Variants in UBA6 observed in about 807,000 individuals in gnomAD.
UBA6 encodes the protein ubiquitin-like modifier-activating enzyme 6.
Under a neutral mutation model 148.3 loss-of-function variants are expected in UBA6, and 87 were observed. The ratio of observed to expected loss-of-function variants is 0.59; its 90% confidence interval spans 0.49 to 0.70. The LOEUF (loss-of-function observed/expected upper bound fraction) is 0.70. UBA6 is among the 30% of genes least tolerant of loss of function. UBA6 has a pLI of 0.00. For missense variants in UBA6, 1,186 were observed against 1,241.2 expected (o/e 0.96, Z 0.67); for synonymous variants, 376 against 401.0 (o/e 0.94, Z 0.75).
intron 8 of UBA6, among the ~76,000 whole-genome samples, chr4:67,669,408 C>T (rs1300710597): frequency 3.3e-5 from 5 of 152,024 alleles, no homozygotes; most frequent in African/African-American, 1.2e-4. Context: ...GTCTCCATCA[C>T]CATGAGATTA....
chr4:67,665,108 G>T, intron 10 of UBA6, 81 bp downstream of exon 10: 4 of 733,248 alleles, frequency 5.5e-6, no homozygotes, highest in Non-Finnish European at 8.7e-6. Context: ...AATCTGTTTG[G>T]TTAACTGAGT....
chr4:67,658,560 GA>G (rs1729760163), intron 13 of UBA6, among the ~76,000 whole-genome samples: 1 of 152,192 alleles, frequency 6.6e-6, no homozygotes, highest in African/African-American at 2.4e-5. Flanking sequence ...AGGGTGGGAA[GA>G]GGGGGCGGAA....
At chr4:67,636,895 C>T (rs539142305) in intron 19 of UBA6, among the ~76,000 whole-genome samples, 12 of 151,308 alleles carry the variant, frequency 7.9e-5, no homozygotes, top group Middle Eastern at 6.8e-3. Flanking sequence ...GCTGCCCAGT[C>T]TGGGAAGTGA....
intron 20 of UBA6, among the ~76,000 whole-genome samples, chr4:67,635,062 T>C (rs2109905694): frequency 6.7e-6 from 1 of 149,118 alleles, no homozygotes; most frequent in South Asian, 2.2e-4. Flanking sequence ...ATAGAGTACA[T>C]TTTGCCTAGG....
chr4:67,661,138 A>G (rs1388645683), intron 13 of UBA6, among the ~76,000 whole-genome samples: 1 of 152,174 alleles, frequency 6.6e-6, no homozygotes, highest in Non-Finnish European at 1.5e-5. Context: ...CCTTGCTCAG[A>G]TAAGACTTTG....
At position 67,668,688 on chromosome 4, in the gene UBA6, T is replaced by C. The variant is rs370488155; in HGVS notation, c.670-14A>G. On this transcript the variant is annotated splice_polypyrimidine_tract_variant and intron_variant, in intron 8 of 32. Transcript: ENST00000322244. Reference sequence around the variant, plus strand: ...GCCAGGATTTGCCTAAAAATAAGAGTAATCTATTAAAAAAGAACTTCTTTT... The same window carrying C: ...GCCAGGATTTGCCTAAAAATAAGAGCAATCTATTAAAAAAGAACTTCTTTT... 1.2e-6 allele frequency: 2 copies of C among 1,602,110 alleles called. No individual in the cohort carries two copies. The highest frequency in any genetic ancestry group is 1.3e-5 in the African/African-American group (1 of 74,274).
intron 2 of UBA6, among the ~76,000 whole-genome samples, chr4:67,688,338 G>A (rs1255037519): frequency 6.6e-6 from 1 of 152,120 alleles, no homozygotes; most frequent in African/African-American, 2.4e-5. Context: ...TACATCTTGT[G>A]ATCAGCAGAC....
At chr4:67,670,640 AAC>A in intron 7 of UBA6, 48 bp from the exon 8 acceptor site, 1 of 1,425,654 alleles carries the variant, frequency 7.0e-7, no homozygotes, top group Non-Finnish European at 9.8e-7. Context: ...TAAAGAAAAA[AAC>A]ACTCTAGTAT....
Position 67,618,864 on chromosome 4 carries a change from G to C in UBA6, c.*133C>G. On this transcript the variant is annotated 3_prime_UTR_variant, in exon 33 of 33. Coordinates refer to ENST00000322244, the MANE Select transcript of UBA6 (RefSeq NM_018227.6). The stretch of plus-strand genomic sequence containing the variant: ...TAATTCTTCAGTGCAGTTTCTTACT[G>C]ATGTTTCCCTTAAAATTAAGGCTTA... 1.1e-6 allele frequency: 1 copy of C among 893,802 alleles called. No individual in the cohort carries two copies. The highest frequency in any genetic ancestry group is 1.9e-5 in the South Asian group (1 of 51,476). The allele number at this position is 893,802 out of a possible 1,614,324, so 55.4% of individuals were successfully genotyped here. A position where few individuals can be genotyped will look rare whatever the true frequency, so the allele number is the denominator to read the frequency against.
chr4:67,693,717 T>C (rs578186020), intron 2 of UBA6, among the ~76,000 whole-genome samples: 1 of 152,278 alleles, frequency 6.6e-6, no homozygotes, highest in African/African-American at 2.4e-5. Flanking sequence ...TGTGGCTGTG[T>C]GAAAGAGAAC....
chr4:67,685,319 T>C (rs557614292), intron 2 of UBA6, among the ~76,000 whole-genome samples: 16 of 152,310 alleles, frequency 1.1e-4, no homozygotes, highest in African/African-American at 3.4e-4. Context: ...CAAACCATTT[T>C]CTTGCTTAAA....
At chr4:67,634,382 T>C in intron 21 of UBA6, 47 bp downstream of exon 21, 23 of 1,550,908 alleles carry the variant, frequency 1.5e-5, no homozygotes, top group African/African-American at 2.8e-5. Flanking sequence ...GTCAGAAATA[T>C]CTTCTTTCTC....
intron 23 of UBA6, among the ~76,000 whole-genome samples, chr4:67,632,789 C>T (rs1253989794): frequency 6.6e-6 from 1 of 151,942 alleles, no homozygotes; most frequent in Admixed American, 6.6e-5. Context: ...CCCAGGAGTT[C>T]CAGGCCAGAC....
At chr4:67,676,281 C>A (rs1057354072) in intron 6 of UBA6, among the ~76,000 whole-genome samples, 2 of 152,170 alleles carry the variant, frequency 1.3e-5, no homozygotes, top group Admixed American at 1.3e-4. Context: ...ACCTCGGCCT[C>A]CCAAAGTGCT....
intron 18 of UBA6, among the ~76,000 whole-genome samples, chr4:67,639,855 C>G (rs979076132): frequency 6.6e-6 from 1 of 152,146 alleles, no homozygotes; most frequent in Non-Finnish European, 1.5e-5. Context: ...TCTCAAAATA[C>G]AGTATCTTAT....
chr4:67,692,023 T>C (rs1193875666), intron 2 of UBA6, among the ~76,000 whole-genome samples: 1 of 152,214 alleles, frequency 6.6e-6, no homozygotes, highest in Non-Finnish European at 1.5e-5. Flanking sequence ...TAGAATTCTT[T>C]TTTTTCCATA....
chr4:67,644,411 T>C (rs183336520), intron 17 of UBA6, among the ~76,000 whole-genome samples: 1 of 152,246 alleles, frequency 6.6e-6, no homozygotes, highest in Admixed American at 6.5e-5. Context: ...CTTTCACATT[T>C]GATCATCACA....
intron 9 of UBA6, among the ~76,000 whole-genome samples, chr4:67,666,533 ATATATATC>A: frequency 6.6e-6 from 1 of 152,184 alleles, no homozygotes; most frequent in African/African-American, 2.4e-5. Flanking sequence ...ATACACACAT[ATATATATC>A]TAGAATAAGT....
Position 67,618,496 on chromosome 4 carries a change from A to AT in UBA6, c.*500_*501insA, listed in dbSNP as rs1401028590. On this transcript the variant is annotated 3_prime_UTR_variant, in exon 33 of 33. Transcript: ENST00000322244. ...AATTTAAAATATCCACCCTTCATCCACCACTACCATACTTCTTCCCAGTGG... is the reference window on the plus strand; with the variant it reads ...AATTTAAAATATCCACCCTTCATCCATCCACTACCATACTTCTTCCCAGTGG... The AT allele has an allele frequency of 6.6e-6, 1 of 152,668 alleles. No individual in the cohort carries two copies. Among genetic ancestry groups the AT allele is most frequent in the Non-Finnish European group, 1.5e-5 (1 of 68,202 alleles). The allele number at this position is 152,668 out of a possible 1,614,324, so 9.5% of individuals were successfully genotyped here. A position where few individuals can be genotyped will look rare whatever the true frequency, so the allele number is the denominator to read the frequency against.
Sources: gnomAD v4.1 joint callset for allele counts (sites outside exome capture counted in the v4.1 genomes callset) on GRCh38, gnomAD v4.1.1 for gene constraint, MANE v1.5 for transcripts, NCBI Gene and HGNC (gene_info 2026-07-23, HGNC 2026-07-21) for gene names.